The following SLC35F2 variants were observed in gnomAD, a reference collection of about 807,000 sequenced individuals.
The protein encoded by SLC35F2 is queuine/queuosine transporter SLC35F2.
In SLC35F2, 25 loss-of-function variants were observed where a neutral mutation model predicts 38.1. That is an observed-to-expected ratio of 0.66 (90% CI 0.48 to 0.92). The LOEUF is 0.92. Ranked by LOEUF, SLC35F2 falls within the 40% of genes least tolerant of loss-of-function variation. The probability of loss-of-function intolerance (pLI) is 0.00; values close to 1 mark genes in which losing one functional copy is unlikely to be tolerated. For synonymous variants in SLC35F2, 173 were observed against 181.7 expected, an observed-to-expected ratio of 0.95 and a Z score of 0.38; for missense variants, 409 against 452.9, an observed-to-expected ratio of 0.90 and a Z score of 0.88.
intron 7 of SLC35F2, among the ~76,000 whole-genome samples, chr11:107,801,647 G>A (rs1348104829): frequency 6.7e-6 from 1 of 148,150 alleles, no homozygotes; most frequent in East Asian, 2.0e-4. Flanking sequence ...AAAAAAAATA[G>A]ATGAGAACTG....
intron 3 of SLC35F2, among the ~76,000 whole-genome samples, chr11:107,807,947 T>C (rs144185575): frequency 6.6e-6 from 1 of 152,304 alleles, no homozygotes; most frequent in Non-Finnish European, 1.5e-5. Flanking sequence ...CAACAAATAT[T>C]TGTTAAACAC....
rs1859574599 is a variant in SLC35F2 at position 107,816,383 on chromosome 11, G to A, written c.111-418C>T. Reference sequence around the variant, plus strand: ...TGCAGCCTTGACCTCCCAGACTCAAGCAATCCTCCCACTTCAGCCTCCAAA... The same window carrying A: ...TGCAGCCTTGACCTCCCAGACTCAAACAATCCTCCCACTTCAGCCTCCAAA... On this transcript the variant is annotated intron_variant, in intron 1 of 7. Transcript: ENST00000525815. The A allele has an allele frequency of 1.2e-5, 8 of 645,426 alleles. No homozygotes were observed. The South Asian group carries it at 5.6e-4, about 45-fold the overall frequency. The allele number at this position is 645,426 out of a possible 1,614,324, so 40.0% of individuals were successfully genotyped here. A position where few individuals can be genotyped will look rare whatever the true frequency, so the allele number is the denominator to read the frequency against.
At chr11:107,800,903 CTTTTTTTT>C (rs71303238) in intron 7 of SLC35F2, among the ~76,000 whole-genome samples, 1 of 126,202 alleles carries the variant, frequency 7.9e-6, no homozygotes. Context: ...GCTATTACTA[CTTTTTTTT>C]TTTTTTTTTT....
At chr11:107,814,727 C>A (rs1416971633) in intron 2 of SLC35F2, among the ~76,000 whole-genome samples, 1 of 152,090 alleles carries the variant, frequency 6.6e-6, no homozygotes, top group Non-Finnish European at 1.5e-5. Flanking sequence ...CTTTGGGAAG[C>A]CAAGGTGGGA....
At chr11:107,853,682 T>G (rs1230154400) in intron 1 of SLC35F2, among the ~76,000 whole-genome samples, 184 of 130,818 alleles carry the variant, frequency 1.4e-3, no homozygotes, top group Non-Finnish European at 2.4e-3. Flanking sequence ...ATCGCGCCAC[T>G]GCACTCCAGC....
Position 107,818,136 on chromosome 11 carries a change from A to AAAG in SLC35F2, c.111-2172_111-2171insCTT, listed in dbSNP as rs781015500. 6.4e-3 allele frequency among the ~76,000 whole-genome samples: 904 copies of AAAG among 141,082 alleles called. 13 individuals are homozygous for AAAG. Among genetic ancestry groups the AAAG allele is most frequent in the Non-Finnish European group, 9.7e-3 (613 of 63,144 alleles). 92.6% of individuals were successfully genotyped at this position (141,082 alleles called of 152,430 possible). On this transcript the variant is annotated intron_variant, in intron 1 of 7. Transcript: ENST00000525815. ...AGAAAGAAAGAAAGAAAGAAAGAAA[A>AAAG]AGAAACAATTGTCAGCTGGGCATAG...
At chr11:107,815,662 C>A in intron 2 of SLC35F2, 128 bp downstream of exon 2, 1 of 1,077,844 alleles carries the variant, frequency 9.3e-7, no homozygotes, top group Non-Finnish European at 1.3e-6. Context: ...TTACTTTAAT[C>A]AACAATTTCA....
Position 107,792,478 on chromosome 11 carries a change from T to C in SLC35F2, c.*137A>G. 1.0e-6 allele frequency: 1 copy of C among 996,828 alleles called. No homozygotes were observed. Among genetic ancestry groups the C allele is most frequent in the Non-Finnish European group, 1.4e-6 (1 of 709,768 alleles). 61.7% of individuals were successfully genotyped at this position (996,828 alleles called of 1,614,324 possible). ...CTTTTGAACTTTGTTCAGTGTTCCT[T>C]TCTAAAACCTAACCACTGGATCCAA... On this transcript the variant is annotated 3_prime_UTR_variant, in exon 8 of 8. Coordinates refer to ENST00000525815, the MANE Select transcript of SLC35F2 (RefSeq NM_017515.5).
intron 1 of SLC35F2, among the ~76,000 whole-genome samples, chr11:107,822,834 G>A (rs1020478726): frequency 3.7e-4 from 56 of 152,222 alleles, no homozygotes; most frequent in African/African-American, 1.3e-3. Context: ...AAGGTTCACA[G>A]AGGAGTCAAA....
chr11:107,818,835 A>G (rs1276696955), intron 1 of SLC35F2, among the ~76,000 whole-genome samples: 2 of 152,156 alleles, frequency 1.3e-5, no homozygotes, highest in Admixed American at 6.5e-5. Flanking sequence ...GTTTTTAGCC[A>G]GGTGGTAGAA....
chr11:107,856,667 G>A (rs1416667047), intron 1 of SLC35F2, among the ~76,000 whole-genome samples: 1 of 152,082 alleles, frequency 6.6e-6, no homozygotes, highest in Non-Finnish European at 1.5e-5. Context: ...TCTGCACTCA[G>A]GCCTGGGTGA....
chr11:107,833,250 G>A (rs539304959), intron 1 of SLC35F2, among the ~76,000 whole-genome samples: 46 of 152,112 alleles, frequency 3.0e-4, no homozygotes, highest in Admixed American at 1.5e-3. Flanking sequence ...GGCTGGATGC[G>A]GTGTCTCACG....
chr11:107,843,893 A>G (rs1437808215), intron 1 of SLC35F2, among the ~76,000 whole-genome samples: 1 of 127,468 alleles, frequency 7.8e-6, no homozygotes, highest in Non-Finnish European at 1.6e-5. Context: ...ATATATATAT[A>G]TATATATATA....
At chr11:107,853,503 G>C (rs994010911) in intron 1 of SLC35F2, among the ~76,000 whole-genome samples, 10 of 151,900 alleles carry the variant, frequency 6.6e-5, no homozygotes, top group Admixed American at 3.3e-4. Flanking sequence ...AGGATCATGA[G>C]GTCAGGAGAT....
intron 4 of SLC35F2, 59 bp downstream of exon 4, chr11:107,806,658 A>C: frequency 6.7e-7 from 1 of 1,482,882 alleles, no homozygotes; most frequent in Non-Finnish European, 9.2e-7. Flanking sequence ...GTTGATATAA[A>C]AGTGAAAACA....
At chr11:107,813,741 C>A (rs1217309810) in intron 2 of SLC35F2, among the ~76,000 whole-genome samples, 2 of 152,126 alleles carry the variant, frequency 1.3e-5, no homozygotes, top group Non-Finnish European at 2.9e-5. Context: ...TCTTGGCTCA[C>A]TGCAACCTCA....
chr11:107,845,846 A>G (rs1860097075), intron 1 of SLC35F2, among the ~76,000 whole-genome samples: 1 of 151,508 alleles, frequency 6.6e-6, no homozygotes, highest in African/African-American at 2.4e-5. Context: ...CACGCTACTC[A>G]GGAGGCTGAG....
intron 1 of SLC35F2, among the ~76,000 whole-genome samples, chr11:107,850,750 G>T (rs940369809): frequency 6.6e-6 from 1 of 151,088 alleles, no homozygotes; most frequent in Non-Finnish European, 1.5e-5. Context: ...TGAACCAAGA[G>T]GGGGAGGCTG....
chr11:107,853,843 G>C (rs1860232686), intron 1 of SLC35F2, among the ~76,000 whole-genome samples: 1 of 150,838 alleles, frequency 6.6e-6, no homozygotes. Context: ...ATGGGAAAAA[G>C]ATAAATATAT....
Sources: allele counts gnomAD v4.1 joint callset (sites outside exome capture counted in the v4.1 genomes callset), GRCh38; gene constraint gnomAD v4.1.1; transcripts MANE v1.5; gene names NCBI Gene and HGNC (gene_info 2026-07-23, HGNC 2026-07-21).